Variants in CHN2 observed in about 807,000 individuals in gnomAD.
CHN2 encodes the protein chimerin 2, also known as beta-chimaerin.
In CHN2, 35 loss-of-function variants were observed where a neutral mutation model predicts 56.3. That is an observed-to-expected ratio of 0.62 (90% CI 0.47 to 0.82). The LOEUF (loss-of-function observed/expected upper bound fraction) is 0.82, where lower values mean the gene tolerates loss of function less well. Among genes scored for constraint, CHN2 ranks in the 40% least tolerant of loss-of-function variants. The pLI is 0.00. For synonymous variants in CHN2, 210 were observed against 212.8 expected, an observed-to-expected ratio of 0.99 and a Z score of 0.12; for missense variants, 491 against 580.5, an observed-to-expected ratio of 0.85 and a Z score of 1.58.
chr7:29,272,324 A>T (rs6462130), intron 1 of CHN2, among the ~76,000 whole-genome samples: 5,616 of 152,218 alleles, frequency 0.037, 163 homozygotes, highest in African/African-American at 0.073. Context: ...GACAGTTCTC[A>T]TTGCACTGGA....
chr7:29,320,351 G>A (rs766528714), intron 1 of CHN2, among the ~76,000 whole-genome samples: 23 of 152,062 alleles, frequency 1.5e-4, no homozygotes, highest in South Asian at 4.2e-4. Flanking sequence ...TCACCCCCTC[G>A]CCCCCTGCAG....
chr7:29,270,749 A>G (rs759457428), intron 1 of CHN2, among the ~76,000 whole-genome samples: 2 of 152,146 alleles, frequency 1.3e-5, no homozygotes, highest in Non-Finnish European at 2.9e-5. Flanking sequence ...GCTAGAAATC[A>G]TAGAATGCAA....
At chr7:29,285,616 C>T (rs1051924461) in intron 1 of CHN2, among the ~76,000 whole-genome samples, 2 of 152,204 alleles carry the variant, frequency 1.3e-5, no homozygotes, top group Non-Finnish European at 2.9e-5. Flanking sequence ...ATCAAAATTC[C>T]CTTTTCACAT....
chr7:29,352,062 A>G (rs893882229), intron 1 of CHN2, among the ~76,000 whole-genome samples: 1 of 152,172 alleles, frequency 6.6e-6, no homozygotes, highest in African/African-American at 2.4e-5. Flanking sequence ...ACTGAAATGG[A>G]CAGTGAGAGG....
chr7:29,500,559 G>A (rs889262551), intron 9 of CHN2, among the ~76,000 whole-genome samples: 4 of 152,142 alleles, frequency 2.6e-5, no homozygotes, highest in Non-Finnish European at 5.9e-5. Context: ...ACTTTAGAGT[G>A]GGCAATCAGG....
chr7:29,308,717 T>C (rs1794357431), intron 1 of CHN2, among the ~76,000 whole-genome samples: 1 of 152,220 alleles, frequency 6.6e-6, no homozygotes, highest in African/African-American at 2.4e-5. Flanking sequence ...AGTCTTCCTG[T>C]GTGCCCAGGA....
chr7:29,283,913 A>G (rs2128862977), intron 1 of CHN2, among the ~76,000 whole-genome samples: 1 of 132,618 alleles, frequency 7.5e-6, no homozygotes, highest in East Asian at 2.5e-4. Context: ...CACCGTTCCC[A>G]GCCAAGCTCT....
intron 1 of CHN2, among the ~76,000 whole-genome samples, chr7:29,353,598 G>A (rs974924586): frequency 1.9e-4 from 29 of 152,092 alleles, no homozygotes; most frequent in African/African-American, 6.8e-4. Context: ...AGGTTGCAGT[G>A]AGCAGCCTGG....
At chr7:29,320,204 C>T (rs40243) in intron 1 of CHN2, among the ~76,000 whole-genome samples, 136,555 of 152,230 alleles carry the variant, frequency 0.9, 61,378 homozygotes, top group East Asian at 1. Context: ...ATGTCGTCTG[C>T]CAGACCAGAG....
At chr7:29,416,475 A>C (rs1243053151) in intron 6 of CHN2, among the ~76,000 whole-genome samples, 1 of 152,220 alleles carries the variant, frequency 6.6e-6, no homozygotes, top group Non-Finnish European at 1.5e-5. Context: ...TGAGGCTGCT[A>C]ATCATGTTGG....
At chr7:29,164,725 G>C (rs1477365156) in intron 2 of CHN2, among the ~76,000 whole-genome samples, 2 of 137,888 alleles carry the variant, frequency 1.5e-5, no homozygotes, top group Non-Finnish European at 3.1e-5. Flanking sequence ...AGGTTGCAGT[G>C]AGCCGAGATC....
chr7:29,443,086 G>A (rs528976290), intron 6 of CHN2, among the ~76,000 whole-genome samples: 72 of 150,370 alleles, frequency 4.8e-4, no homozygotes, highest in South Asian at 3.9e-3. Context: ...GACTACAGGC[G>A]CCCGCCACCG....
At chr7:29,486,997 C>A (rs1036194784) in intron 7 of CHN2, among the ~76,000 whole-genome samples, 2 of 152,282 alleles carry the variant, frequency 1.3e-5, no homozygotes, top group Admixed American at 6.5e-5. Context: ...TCTTCCTCTT[C>A]CCCCTTGACC....
chr7:29,398,567 G>T (rs975488974), intron 5 of CHN2, 81 bp downstream of exon 5: 9 of 867,330 alleles, frequency 1.0e-5, no homozygotes, highest in Middle Eastern at 5.7e-4. Flanking sequence ...AATTGTAGCA[G>T]AGTATACATA....
chr7:29,471,387 A>G (rs1428416259), intron 6 of CHN2, among the ~76,000 whole-genome samples: 2 of 152,230 alleles, frequency 1.3e-5, no homozygotes, highest in African/African-American at 2.4e-5. Context: ...GAAATTAGCC[A>G]CAATTTTTGA....
At chr7:29,285,105 T>C (rs996589497) in intron 1 of CHN2, among the ~76,000 whole-genome samples, 1 of 152,140 alleles carries the variant, frequency 6.6e-6, no homozygotes, top group South Asian at 2.1e-4. Flanking sequence ...CCTTGAGGAA[T>C]CTCTGGGGAA....
intron 3 of CHN2, among the ~76,000 whole-genome samples, chr7:29,368,824 T>C (rs969932819): frequency 7.9e-5 from 12 of 152,146 alleles, no homozygotes; most frequent in Admixed American, 1.3e-4. Context: ...GTTTAATACA[T>C]TTTTCTACAT....
chr7:29,270,765 G>A (rs1453943810), intron 1 of CHN2, among the ~76,000 whole-genome samples: 6 of 152,044 alleles, frequency 3.9e-5, no homozygotes, highest in Non-Finnish European at 1.5e-5. Flanking sequence ...TGCAATTGTG[G>A]TTACTGATTA....
intron 2 of CHN2, among the ~76,000 whole-genome samples, chr7:29,167,516 A>G (rs1175228711): frequency 1.3e-5 from 2 of 152,192 alleles, no homozygotes; most frequent in Non-Finnish European, 2.9e-5. Context: ...AACTATTTCT[A>G]AAGTATGTAT....
Sources: gnomAD v4.1 joint callset for allele counts (sites outside exome capture counted in the v4.1 genomes callset) on GRCh38, gnomAD v4.1.1 for gene constraint, MANE v1.5 for transcripts, NCBI Gene and HGNC (gene_info 2026-07-23, HGNC 2026-07-21) for gene names.